Variants in FBXL5 observed in about 807,000 individuals in gnomAD.
FBXL5 encodes F-box/LRR-repeat protein 5.
Under a neutral mutation model 78.3 loss-of-function variants are expected in FBXL5, and 26 were observed. That is an observed-to-expected ratio of 0.33 (90% confidence interval 0.24 to 0.46). The LOEUF (loss-of-function observed/expected upper bound fraction) is 0.46, where lower values mean the gene tolerates loss of function less well. Among genes scored for constraint, FBXL5 ranks in the 20% least tolerant of loss-of-function variants. FBXL5 has a pLI of 1.00. For synonymous variants in FBXL5, 295 were observed against 282.5 expected, an observed-to-expected ratio of 1.04 and a Z score of -0.45; for missense variants, 710 against 829.2, an observed-to-expected ratio of 0.86 and a Z score of 1.77.
chr4:15,627,062 A>T (rs1713133194), intron 7 of FBXL5, 107 bp from the exon 8 acceptor site: 1 of 510,884 alleles, frequency 2.0e-6, no homozygotes, highest in Non-Finnish European at 3.5e-6. Flanking sequence ...TTGTGAATAT[A>T]AAAAAAAATC....
chr4:15,664,169 T>G (rs1717432319), upstream of FBXL5, among the ~76,000 whole-genome samples: 1 of 152,184 alleles, frequency 6.6e-6, no homozygotes, highest in Non-Finnish European at 1.5e-5. Flanking sequence ...AAGCTTTCAT[T>G]TTTCCATCAC....
At chr4:15,650,782 G>A (rs1288271809) in intron 1 of FBXL5, among the ~76,000 whole-genome samples, 4 of 142,330 alleles carry the variant, frequency 2.8e-5, no homozygotes, top group African/African-American at 5.2e-5. Context: ...ACAGGACCCC[G>A]CCACCATGCC....
chr4:15,647,977 C>A (rs1039193975), intron 1 of FBXL5, among the ~76,000 whole-genome samples: 1 of 152,182 alleles, frequency 6.6e-6, no homozygotes, highest in African/African-American at 2.4e-5. Flanking sequence ...CTGGCCTCAG[C>A]CTTCCGAATA....
At chr4:15,615,119 C>T (rs1043084471) in intron 9 of FBXL5, among the ~76,000 whole-genome samples, 1 of 152,176 alleles carries the variant, frequency 6.6e-6, no homozygotes, top group African/African-American at 2.4e-5. Context: ...GCACCGCGCT[C>T]GATTTCTCAC....
intron 2 of FBXL5, among the ~76,000 whole-genome samples, chr4:15,643,568 G>C (rs890277819): frequency 2.3e-5 from 2 of 88,524 alleles, no homozygotes; most frequent in African/African-American, 4.0e-5. Flanking sequence ...ACTATGTCTG[G>C]CTAAATTTTT....
intron 9 of FBXL5, among the ~76,000 whole-genome samples, chr4:15,623,914 C>G (rs1048788694): frequency 1.3e-5 from 2 of 152,058 alleles, no homozygotes; most frequent in Admixed American, 1.3e-4. Context: ...GCTCCGTCTC[C>G]CGGGTTCACA....
At chr4:15,650,312 T>C (rs905431123) in intron 1 of FBXL5, among the ~76,000 whole-genome samples, 2 of 152,238 alleles carry the variant, frequency 1.3e-5, no homozygotes, top group African/African-American at 4.8e-5. Flanking sequence ...GTATGAAATA[T>C]AGTGCAATCC....
upstream of FBXL5, chr4:15,659,726 C>T: frequency 1.0e-6 from 1 of 985,134 alleles, no homozygotes; most frequent in Non-Finnish European, 1.2e-6. Flanking sequence ...ATGTCACCTA[C>T]CTTGCGTCAT....
At chr4:15,630,970 AGTTT>A (rs1484657842) in intron 5 of FBXL5, among the ~76,000 whole-genome samples, 179 bp from the exon 6 acceptor site, 1 of 152,108 alleles carries the variant, frequency 6.6e-6, no homozygotes, top group Admixed American at 6.6e-5. Flanking sequence ...ACAACGTGCA[AGTTT>A]GTTACATAGG....
chr4:15,652,240 CAGG>C (rs1000741339), intron 1 of FBXL5, among the ~76,000 whole-genome samples: 3 of 152,172 alleles, frequency 2.0e-5, no homozygotes, highest in Non-Finnish European at 4.4e-5. Context: ...AGTGAATTAG[CAGG>C]AGATTTCTTA....
chr4:15,636,560 T>G lies in FBXL5; in HGVS notation c.700A>C (p.Lys234Gln), dbSNP rs1204405603. 1.2e-6 allele frequency: 2 copies of G among 1,613,940 alleles called. No individual in the cohort carries two copies. Among genetic ancestry groups the G allele is most frequent in the Non-Finnish European group, 1.7e-6 (2 of 1,179,970 alleles). Residue 234 changes from lysine to glutamine, a missense_variant, in exon 5 of 11, where the codon AAA (lysine) becomes CAA (glutamine). By Grantham distance (53) the Lys-to-Gln change is moderately conservative. Around this residue, in one of 4 missense-constraint regions of FBXL5, gnomAD observed 517 missense variants for 542.9 expected, o/e 0.95. Coordinates refer to ENST00000341285, the MANE Select transcript of FBXL5 (RefSeq NM_012161.4). ...ELCRCSQVSM[K>Q]WSQLTKTGSL... ...CCCGTTTTTGTCAGCTGAGACCATT[T>G]CATGCTTACTTGACTGCATCGACAT...
intron 1 of FBXL5, among the ~76,000 whole-genome samples, chr4:15,653,074 CAAG>C (rs1716323517): frequency 6.6e-6 from 1 of 152,130 alleles, no homozygotes. Context: ...CTATCAGTAT[CAAG>C]AAGAAATCCA....
At chr4:15,642,690 G>C (rs938429728) in intron 2 of FBXL5, among the ~76,000 whole-genome samples, 2 of 152,024 alleles carry the variant, frequency 1.3e-5, no homozygotes, top group Non-Finnish European at 2.9e-5. Flanking sequence ...TATCCACATG[G>C]CTTCCATTCC....
At chr4:15,620,986 TTAA>T (rs1712416845) in intron 9 of FBXL5, among the ~76,000 whole-genome samples, 3 of 152,202 alleles carry the variant, frequency 2.0e-5, no homozygotes, top group Admixed American at 2.0e-4. Flanking sequence ...TGGCTTGCTG[TTAA>T]TAAATACTTT....
At chr4:15,663,030 T>G (rs1717388424), upstream of FBXL5, among the ~76,000 whole-genome samples, 1 of 152,310 alleles carries the variant, frequency 6.6e-6, no homozygotes, top group South Asian at 2.1e-4. Context: ...CAAATGTAAC[T>G]TTCTAATTTG....
intron 10 of FBXL5, among the ~76,000 whole-genome samples, chr4:15,607,545 A>G (rs748170988): frequency 1.3e-4 from 20 of 152,180 alleles, no homozygotes; most frequent in Non-Finnish European, 2.8e-4. Flanking sequence ...AAGCAACCCT[A>G]TGATCTGAAA....
At chr4:15,648,946 A>T (rs1318467627) in intron 1 of FBXL5, among the ~76,000 whole-genome samples, 1 of 152,186 alleles carries the variant, frequency 6.6e-6, no homozygotes. Flanking sequence ...ATGTACATGT[A>T]TATCAAAGCA....
At position 15,640,981 on chromosome 4, in the gene FBXL5, A is replaced by G. The variant is rs557105507; in HGVS notation, c.301-98T>C. 9.5e-4 allele frequency: 481 copies of G among 505,552 alleles called. 2 individuals are homozygous for G. Among genetic ancestry groups the G allele is most frequent in the South Asian group, 4.2e-3 (123 of 29,444 alleles). The allele number at this position is 505,552 out of a possible 1,614,324, so 31.3% of individuals were successfully genotyped here. A position where few individuals can be genotyped will look rare whatever the true frequency, so the allele number is the denominator to read the frequency against. On this transcript the variant is annotated intron_variant, in intron 2 of 10. Coordinates refer to ENST00000341285, the MANE Select transcript of FBXL5 (RefSeq NM_012161.4). ...AAAATGTGACATAAAACCTCCGGGG[A>G]AAAAAAAATAGACAAATTGCAAAGT...
intron 7 of FBXL5, 142 bp from the exon 8 acceptor site, chr4:15,627,097 A>T: frequency 2.1e-6 from 1 of 476,470 alleles, no homozygotes; most frequent in Non-Finnish European, 3.8e-6. Context: ...AAAAAGTATA[A>T]TAAAATATTC....
Sources: allele counts gnomAD v4.1 joint callset (sites outside exome capture counted in the v4.1 genomes callset), GRCh38; gene constraint gnomAD v4.1.1; regional missense constraint gnomAD v4.1.1; transcripts MANE v1.5; gene names NCBI Gene and HGNC (gene_info 2026-07-23, HGNC 2026-07-21).